The following ARB2A variants were observed in gnomAD, a reference collection of about 807,000 sequenced individuals.
ARB2A encodes the protein cotranscriptional regulator ARB2A.
At chr5:93,923,251 CA>C in the ARB2A span, among the ~76,000 whole-genome samples, 1 of 152,032 alleles carries the variant, frequency 6.6e-6, no homozygotes, top group Non-Finnish European at 1.5e-5. Flanking sequence ...TAATACTATA[CA>C]AAACGTGTGA....
At chr5:93,817,129 A>G in the ARB2A span, among the ~76,000 whole-genome samples, 1 of 151,922 alleles carries the variant, frequency 6.6e-6, no homozygotes, top group African/African-American at 2.4e-5. Flanking sequence ...AGAACTAAAA[A>G]TAGTGAATTC....
chr5:94,036,254 C>A, the ARB2A span, among the ~76,000 whole-genome samples: 1 of 152,094 alleles, frequency 6.6e-6, no homozygotes, highest in East Asian at 1.9e-4. Flanking sequence ...TGTATATGGT[C>A]CAAATATCAA....
chr5:93,697,049 G>A, the ARB2A span, among the ~76,000 whole-genome samples: 7 of 129,976 alleles, frequency 5.4e-5, no homozygotes, highest in East Asian at 2.2e-4. Flanking sequence ...GTGACAAAGC[G>A]AGACTCCATC....
chr5:93,628,670 TG>T, the ARB2A span, among the ~76,000 whole-genome samples: 1 of 152,256 alleles, frequency 6.6e-6, no homozygotes, highest in Non-Finnish European at 1.5e-5. Flanking sequence ...TTTTATGTTC[TG>T]GAGATGGCTT....
At chr5:93,736,928 A>C in the ARB2A span, 1 of 152,198 alleles carries the variant, frequency 6.6e-6, no homozygotes, top group African/African-American at 2.4e-5. Flanking sequence ...ACTTTTATAC[A>C]ACACAGTACT....
At chr5:93,872,414 G>C in the ARB2A span, among the ~76,000 whole-genome samples, 2 of 152,144 alleles carry the variant, frequency 1.3e-5, no homozygotes, top group Non-Finnish European at 2.9e-5. Flanking sequence ...ATTTGATTCT[G>C]AAGTGCTTAT....
chr5:93,852,746 T>C, the ARB2A span, among the ~76,000 whole-genome samples: 1 of 152,184 alleles, frequency 6.6e-6, no homozygotes, highest in South Asian at 2.1e-4. Context: ...CTCAGGTTTG[T>C]CAAAGATCAG....
At chr5:93,716,148 C>T in the ARB2A span, among the ~76,000 whole-genome samples, 1 of 152,302 alleles carries the variant, frequency 6.6e-6, no homozygotes, top group Admixed American at 6.5e-5. Context: ...GAAGAGCAAA[C>T]TAGTCCTACT....
chr5:93,740,411 T>C, the ARB2A span: 1 of 696,938 alleles, frequency 1.4e-6, no homozygotes, highest in Non-Finnish European at 2.3e-6. Context: ...CCCAGGTTTT[T>C]CTTGAACAAT....
chr5:93,717,429 T>C, the ARB2A span, among the ~76,000 whole-genome samples: 2 of 149,956 alleles, frequency 1.3e-5, no homozygotes, highest in Admixed American at 6.7e-5. Context: ...TCAGAACTGT[T>C]ACCACAGTTG....
chr5:93,968,054 A>G, the ARB2A span, among the ~76,000 whole-genome samples: 3 of 152,128 alleles, frequency 2.0e-5, no homozygotes, highest in Admixed American at 6.5e-5. Context: ...TAAAGCAAAC[A>G]ATAAACACAA....
At chr5:94,082,191 C>A in the ARB2A span, among the ~76,000 whole-genome samples, 2 of 152,090 alleles carry the variant, frequency 1.3e-5, no homozygotes, top group South Asian at 2.1e-4. Flanking sequence ...CCATTAGTAT[C>A]CCTCGCATAC....
the ARB2A span, among the ~76,000 whole-genome samples, chr5:93,997,134 C>T: frequency 6.6e-6 from 1 of 151,970 alleles, no homozygotes; most frequent in South Asian, 2.1e-4. Flanking sequence ...AGTGAATTTG[C>T]CAGCTGCTTT....
chr5:93,729,123 T>A, the ARB2A span, among the ~76,000 whole-genome samples: 1 of 152,066 alleles, frequency 6.6e-6, no homozygotes, highest in Non-Finnish European at 1.5e-5. Context: ...TCTGTCTTTC[T>A]CTCTCTCCTC....
the ARB2A span, among the ~76,000 whole-genome samples, chr5:94,087,044 T>C: frequency 6.6e-6 from 1 of 152,100 alleles, no homozygotes; most frequent in East Asian, 1.9e-4. Context: ...GGACAAGATG[T>C]AGAAGTAGAA....
chr5:94,004,112 G>C, the ARB2A span, among the ~76,000 whole-genome samples: 1 of 152,146 alleles, frequency 6.6e-6, no homozygotes, highest in Admixed American at 6.5e-5. Context: ...TCAATTCACA[G>C]TGCTGGAGCA....
At chr5:93,884,193 T>C in the ARB2A span, among the ~76,000 whole-genome samples, 1 of 151,484 alleles carries the variant, frequency 6.6e-6, no homozygotes, top group African/African-American at 2.4e-5. Context: ...TGAACAAAAT[T>C]TACAGTCACC....
chr5:93,852,622 A>G, the ARB2A span, among the ~76,000 whole-genome samples: 1 of 152,032 alleles, frequency 6.6e-6, no homozygotes, highest in Admixed American at 6.6e-5. Flanking sequence ...ATCTTGAATT[A>G]ATTTTTGTAT....
the ARB2A span, among the ~76,000 whole-genome samples, chr5:93,950,693 C>A: frequency 6.6e-6 from 1 of 150,788 alleles, no homozygotes; most frequent in African/African-American, 2.4e-5. Flanking sequence ...CGCTGTAATC[C>A]CAGCACTTTG....
Sources: allele counts gnomAD v4.1 joint callset (sites outside exome capture counted in the v4.1 genomes callset), GRCh38; gene constraint gnomAD v4.1.1; transcripts MANE v1.5; gene names NCBI Gene and HGNC (gene_info 2026-07-23, HGNC 2026-07-21).